PACRG: variants seen among roughly 807,000 people sequenced by gnomAD.
The protein encoded by PACRG is parkin coregulated.
In PACRG, 29 loss-of-function variants were observed where a neutral mutation model predicts 29.7. That is an observed-to-expected ratio of 0.98 (90% CI 0.73 to 1.33). The LOEUF (loss-of-function observed/expected upper bound fraction) is 1.33. Among genes scored for constraint, PACRG ranks in the 40% most tolerant of loss-of-function variants. The probability of loss-of-function intolerance (pLI) is 0.00; values close to 1 mark genes in which losing one functional copy is unlikely to be tolerated. For synonymous variants in PACRG, 116 were observed against 118.7 expected, an observed-to-expected ratio of 0.98 and a Z score of 0.15; for missense variants, 279 against 316.2, an observed-to-expected ratio of 0.88 and a Z score of 0.89.
At chr6:163,179,905 A>G (rs543149056) in intron 4 of PACRG, among the ~76,000 whole-genome samples, 2 of 152,268 alleles carry the variant, frequency 1.3e-5, no homozygotes, top group African/African-American at 4.8e-5. Flanking sequence ...CCGAGGCCAC[A>G]CAGGCAGGAA....
chr6:163,125,354 AC>A (rs1816473907), intron 4 of PACRG, among the ~76,000 whole-genome samples: 1 of 152,232 alleles, frequency 6.6e-6, no homozygotes, highest in African/African-American at 2.4e-5. Flanking sequence ...GCCATTTTCA[AC>A]CACAGAACAG....
intron 4 of PACRG, among the ~76,000 whole-genome samples, chr6:163,298,524 G>A (rs1418287470): frequency 6.6e-6 from 1 of 152,200 alleles, no homozygotes; most frequent in Non-Finnish European, 1.5e-5. Context: ...CTTTGAAGCA[G>A]TAACCTCACT....
intron 4 of PACRG, among the ~76,000 whole-genome samples, chr6:163,098,942 G>A (rs755317555): frequency 4.6e-5 from 7 of 152,138 alleles, no homozygotes; most frequent in Non-Finnish European, 8.8e-5. Flanking sequence ...CACTCTCATC[G>A]CCATCTTGGT....
intron 4 of PACRG, among the ~76,000 whole-genome samples, chr6:163,263,327 T>C (rs564015739): frequency 2.0e-5 from 3 of 152,022 alleles, no homozygotes; most frequent in African/African-American, 7.2e-5. Context: ...AAACATTAGC[T>C]TGCTCACAAG....
intron 2 of PACRG, among the ~76,000 whole-genome samples, chr6:162,862,873 G>A (rs1208373708): frequency 3.9e-5 from 6 of 152,126 alleles, no homozygotes; most frequent in East Asian, 1.9e-4. Context: ...GAAGGCAGGC[G>A]CTGCTGAGGC....
At chr6:163,110,425 A>G (rs904908301) in intron 4 of PACRG, among the ~76,000 whole-genome samples, 5 of 152,252 alleles carry the variant, frequency 3.3e-5, no homozygotes, top group African/African-American at 1.2e-4. Flanking sequence ...ACTGGAGTTC[A>G]AAGTGCCAGT....
chr6:162,947,583 C>CATATATATAATCATATAT (rs1554313268), intron 2 of PACRG, among the ~76,000 whole-genome samples: 2,150 of 41,770 alleles, frequency 0.051, 209 homozygotes, highest in Middle Eastern at 0.083. Flanking sequence ...CATATATAAT[C>CATATATATAATCATATAT]ATATATATAA....
intron 2 of PACRG, among the ~76,000 whole-genome samples, chr6:162,945,252 G>C (rs1282729001): frequency 6.6e-6 from 1 of 151,980 alleles, no homozygotes; most frequent in Non-Finnish European, 1.5e-5. Context: ...ACTGTATGTT[G>C]CCTACAAGAA....
intron 2 of PACRG, among the ~76,000 whole-genome samples, chr6:162,990,244 G>A (rs1231882146): frequency 2.0e-5 from 3 of 151,168 alleles, no homozygotes; most frequent in African/African-American, 7.3e-5. Context: ...AGTCATTTGG[G>A]TATATACCCA....
intron 2 of PACRG, among the ~76,000 whole-genome samples, chr6:162,937,508 G>A (rs564485392): frequency 4.6e-5 from 7 of 152,278 alleles, no homozygotes; most frequent in African/African-American, 1.7e-4. Flanking sequence ...CAGGCGGTGA[G>A]CAGCATCTTC....
intron 2 of PACRG, among the ~76,000 whole-genome samples, chr6:162,834,893 C>A (rs984339599): frequency 2.0e-4 from 30 of 151,846 alleles, no homozygotes; most frequent in Admixed American, 7.9e-4. Flanking sequence ...AATTTGAAAC[C>A]AAAGGGGTTT....
intron 1 of PACRG, among the ~76,000 whole-genome samples, chr6:162,795,056 C>T (rs765402123): frequency 2.7e-5 from 4 of 150,880 alleles, no homozygotes; most frequent in African/African-American, 9.8e-5. Flanking sequence ...AAAGGGAGAC[C>T]GAGACACTTA....
At chr6:162,774,125 A>C (rs1783456463) in intron 1 of PACRG, among the ~76,000 whole-genome samples, 3 of 152,162 alleles carry the variant, frequency 2.0e-5, no homozygotes, top group African/African-American at 7.2e-5. Flanking sequence ...GCTTTTGACG[A>C]ATGGTATTTT....
At chr6:163,070,722 A>ACCC (rs1811961687) in intron 3 of PACRG, among the ~76,000 whole-genome samples, 1 of 151,940 alleles carries the variant, frequency 6.6e-6, no homozygotes, top group African/African-American at 2.4e-5. Flanking sequence ...CATTGAATGT[A>ACCC]AATGCACAAA....
At chr6:163,264,588 G>A (rs1398850325) in intron 4 of PACRG, among the ~76,000 whole-genome samples, 1 of 152,222 alleles carries the variant, frequency 6.6e-6, no homozygotes, top group African/African-American at 2.4e-5. Flanking sequence ...TCTGGGCTGG[G>A]CCTAGACAGA....
intron 1 of PACRG, among the ~76,000 whole-genome samples, chr6:162,749,208 AACAAGT>A (rs1781328957): frequency 6.6e-6 from 1 of 152,200 alleles, no homozygotes; most frequent in Non-Finnish European, 1.5e-5. Flanking sequence ...GATTGTTAAA[AACAAGT>A]ACATACTCTG....
rs182688030 is a variant in PACRG at position 162,771,828 on chromosome 6, G to A, written c.157-42319G>A. 1.0e-3 allele frequency among the ~76,000 whole-genome samples: 158 copies of A among 152,130 alleles called. 1 individual carries two copies. Among genetic ancestry groups the A allele is most frequent in the Middle Eastern group, 6.8e-3 (2 of 294 alleles). On this transcript the variant is annotated intron_variant, in intron 1 of 4. Transcript: ENST00000366888. ...TTATTATTCTGTTAATTAAATATTT[G>A]TTGATCATTACTGTGCATGAAACAT...
At chr6:162,942,220 A>G (rs1186843903) in intron 2 of PACRG, among the ~76,000 whole-genome samples, 1 of 152,234 alleles carries the variant, frequency 6.6e-6, no homozygotes, top group Non-Finnish European at 1.5e-5. Context: ...GGGTTAGAGT[A>G]GAGCTATTCT....
intron 2 of PACRG, among the ~76,000 whole-genome samples, chr6:162,952,103 C>A (rs1472741731): frequency 2.0e-5 from 3 of 152,178 alleles, no homozygotes; most frequent in Non-Finnish European, 4.4e-5. Flanking sequence ...TTTATCTCTA[C>A]CTCTCCGTCA....
Sources: gnomAD v4.1 joint callset for allele counts (sites outside exome capture counted in the v4.1 genomes callset) on GRCh38, gnomAD v4.1.1 for gene constraint, MANE v1.5 for transcripts, NCBI Gene and HGNC (gene_info 2026-07-23, HGNC 2026-07-21) for gene names.